The following SIPA1L1 variants were observed in gnomAD, a reference collection of about 807,000 sequenced individuals.
SIPA1L1 encodes signal induced proliferation associated 1 like 1, also known as signal-induced proliferation-associated 1-like protein 1.
A neutral mutation model predicts 162.7 loss-of-function variants in SIPA1L1; 26 were observed. That is an observed-to-expected ratio of 0.16 (90% CI 0.12 to 0.22). The LOEUF (loss-of-function observed/expected upper bound fraction) is 0.22. SIPA1L1 is among the 10% of genes least tolerant of loss of function. The pLI is 1.00. For missense variants in SIPA1L1, 1,874 were observed against 2,241.0 expected (o/e 0.84, Z 3.31); for synonymous variants, 829 against 837.4 (o/e 0.99, Z 0.17).
intron 2 of SIPA1L1, among the ~76,000 whole-genome samples, chr14:71,460,641 C>A (rs543214479): frequency 1.3e-5 from 2 of 152,254 alleles, no homozygotes; most frequent in African/African-American, 4.8e-5. Flanking sequence ...CTCCCTCTGG[C>A]ACTAAGACCC....
intron 3 of SIPA1L1, among the ~76,000 whole-genome samples, chr14:71,522,000 C>T (rs1056468898): frequency 1.3e-5 from 2 of 152,144 alleles, no homozygotes; most frequent in Non-Finnish European, 2.9e-5. Flanking sequence ...CATTTTCCTG[C>T]TGTGCAAAAG....
At chr14:71,322,222 C>T (rs1372078691) in intron 2 of SIPA1L1, among the ~76,000 whole-genome samples, 1 of 152,138 alleles carries the variant, frequency 6.6e-6, no homozygotes, top group East Asian at 1.9e-4. Context: ...ACTCTTAAAG[C>T]CATTGTCTTT....
intron 2 of SIPA1L1, among the ~76,000 whole-genome samples, chr14:71,421,786 G>C (rs2043204323): frequency 6.6e-6 from 1 of 152,058 alleles, no homozygotes; most frequent in African/African-American, 2.4e-5. Context: ...AAGTCCATTT[G>C]GTTTTTCCTG....
Position 71,587,868 on chromosome 14 carries a change from A to G in SIPA1L1, c.-5A>G. 1 of 1,596,040 alleles carries G rather than the reference A, an allele frequency of 6.3e-7. No individual in the cohort carries two copies. The highest frequency in any genetic ancestry group is 8.6e-7 in the Non-Finnish European group (1 of 1,165,406). ...CAGGGATTTAAGTCTACTTGCTTTT[A>G]CATCATGACCAGCTTGAAACGGTCA... On this transcript the variant is annotated 5_prime_UTR_variant, in exon 5 of 24. Coordinates refer to ENST00000381232, the MANE Select transcript of SIPA1L1 (RefSeq NM_001386936.1).
chr14:71,441,537 AT>A (rs2044853483), intron 2 of SIPA1L1, among the ~76,000 whole-genome samples: 1 of 152,252 alleles, frequency 6.6e-6, no homozygotes, highest in Non-Finnish European at 1.5e-5. Context: ...AAGTGGTGGC[AT>A]GGAGGGACAT....
intron 7 of SIPA1L1, among the ~76,000 whole-genome samples, chr14:71,650,114 G>A (rs1285397320): frequency 1.3e-5 from 2 of 152,180 alleles, no homozygotes; most frequent in Non-Finnish European, 2.9e-5. Context: ...TTTACATACA[G>A]GAAATTTTCA....
Position 71,709,245 on chromosome 14 carries a change from C to T in SIPA1L1, c.3789C>T (p.His1263=), listed in dbSNP as rs879006336. Residue 1263 remains histidine (H), a synonymous_variant, in exon 17 of 24, where the codon CAC becomes CAT. Coordinates refer to ENST00000381232, the MANE Select transcript of SIPA1L1 (RefSeq NM_001386936.1). ...QGHSDSHYSS[H]SSSNTLSSNA... ...AGTCTGATAGCCACTACTCGAGCCA[C>T]TCCAGTAGCAATACTCTCTCCAGCA... is the stretch of plus-strand genomic sequence containing the variant. 3.1e-6 allele frequency: 5 copies of T among 1,613,874 alleles called. No individual in the cohort carries two copies. The highest frequency in any genetic ancestry group is 4.2e-6 in the Non-Finnish European group (5 of 1,179,970).
intron 17 of SIPA1L1, among the ~76,000 whole-genome samples, chr14:71,718,208 TCA>T (rs2083415478): frequency 6.6e-6 from 1 of 152,132 alleles, no homozygotes; most frequent in African/African-American, 2.4e-5. Context: ...CAGGTGACGC[TCA>T]CAGGCCCACT....
At chr14:71,398,268 A>G (rs1472744985) in intron 2 of SIPA1L1, 2 of 152,158 alleles carry the variant, frequency 1.3e-5, no homozygotes, top group African/African-American at 2.4e-5. Context: ...ATTAATTTTC[A>G]AAGGTTATTA....
At chr14:71,651,307 G>A (rs2042597857) in intron 8 of SIPA1L1, among the ~76,000 whole-genome samples, 1 of 152,140 alleles carries the variant, frequency 6.6e-6, no homozygotes, top group South Asian at 2.1e-4. Context: ...CTTGGGATTA[G>A]CACATCTGTA....
intron 12 of SIPA1L1, among the ~76,000 whole-genome samples, chr14:71,680,399 C>T (rs1270715384): frequency 1.3e-5 from 2 of 152,176 alleles, no homozygotes; most frequent in Non-Finnish European, 2.9e-5. Context: ...ACACAACATA[C>T]CAGAATCTCT....
At chr14:71,736,676 T>C (rs2085320739) in intron 22 of SIPA1L1, among the ~76,000 whole-genome samples, 1 of 152,216 alleles carries the variant, frequency 6.6e-6, no homozygotes, top group Admixed American at 6.5e-5. Flanking sequence ...GCTGAGAACT[T>C]TAAAAATGCA....
intron 7 of SIPA1L1, among the ~76,000 whole-genome samples, chr14:71,644,898 G>C (rs1417065673): frequency 6.6e-6 from 1 of 152,152 alleles, no homozygotes; most frequent in East Asian, 1.9e-4. Context: ...TATGAAAATA[G>C]TGATTTTAGT....
At chr14:71,322,572 T>G (rs555631212) in intron 2 of SIPA1L1, among the ~76,000 whole-genome samples, 1 of 152,226 alleles carries the variant, frequency 6.6e-6, no homozygotes, top group Non-Finnish European at 1.5e-5. Flanking sequence ...AGTTATTAAC[T>G]ACAATATTAA....
At chr14:71,717,811 G>A (rs1312535120) in intron 17 of SIPA1L1, among the ~76,000 whole-genome samples, 1 of 152,168 alleles carries the variant, frequency 6.6e-6, no homozygotes, top group Non-Finnish European at 1.5e-5. Flanking sequence ...TAGAGTGGGA[G>A]GAGTTGAGGG....
rs879724929 is a variant in SIPA1L1 at position 71,649,860 on chromosome 14, CA to C, written c.1819-465del. ...GGGAGATAAGTCTTTTCTAATTTTA[CA>C]AAAAAAAAACTGCAAAAATATTAGT... is the stretch of plus-strand genomic sequence containing the variant. On this transcript the variant is annotated intron_variant, in intron 7 of 23. Coordinates refer to ENST00000381232, the MANE Select transcript of SIPA1L1 (RefSeq NM_001386936.1). Among the ~76,000 whole-genome samples the C allele has an allele frequency of 2.4e-3, 349 of 145,148 alleles. 2 individuals are homozygous for C. Among genetic ancestry groups the C allele is most frequent in the Middle Eastern group, 0.011 (3 of 282 alleles).
intron 7 of SIPA1L1, among the ~76,000 whole-genome samples, chr14:71,631,957 AT>A (rs1221761439): frequency 3.9e-5 from 6 of 152,194 alleles, no homozygotes; most frequent in East Asian, 3.9e-4. Context: ...AATTAGAACA[AT>A]TTTTTTTGTT....
intron 4 of SIPA1L1, chr14:71,574,766 G>T (rs938741098): frequency 6.6e-6 from 1 of 151,872 alleles, no homozygotes; most frequent in Non-Finnish European, 1.5e-5. Flanking sequence ...ATTGGTTTGC[G>T]TTTTGATTAA....
At chr14:71,730,444 C>G in intron 20 of SIPA1L1, 143 bp downstream of exon 20, 1 of 923,108 alleles carries the variant, frequency 1.1e-6, no homozygotes, top group Non-Finnish European at 1.6e-6. Flanking sequence ...TCCTCATTTG[C>G]CCTCTCTCTC....
Sources: allele counts gnomAD v4.1 joint callset (sites outside exome capture counted in the v4.1 genomes callset), GRCh38; gene constraint gnomAD v4.1.1; transcripts MANE v1.5; gene names NCBI Gene and HGNC (gene_info 2026-07-23, HGNC 2026-07-21).